Variants in SLC44A1 observed in about 807,000 individuals in gnomAD.
The protein encoded by SLC44A1 is choline transporter-like protein 1.
Under a neutral mutation model 79.3 loss-of-function variants are expected in SLC44A1, and 26 were observed. The ratio of observed to expected loss-of-function variants is 0.33; its 90% CI spans 0.24 to 0.46. SLC44A1 has a LOEUF of 0.46. Among genes scored for constraint, SLC44A1 ranks in the 20% least tolerant of loss-of-function variants. The pLI is 1.00. For missense variants in SLC44A1, 688 were observed against 798.1 expected, an observed-to-expected ratio of 0.86 and a Z score of 1.66; for synonymous variants, 263 against 286.2, an observed-to-expected ratio of 0.92 and a Z score of 0.82.
chr9:105,311,080 G>T (rs972767340), intron 3 of SLC44A1, among the ~76,000 whole-genome samples: 1 of 152,100 alleles, frequency 6.6e-6, no homozygotes. Context: ...GTGAAAGTTG[G>T]ACTCTTAGCA....
At chr9:105,339,540 T>A (rs575035812) in intron 4 of SLC44A1, among the ~76,000 whole-genome samples, 1 of 152,144 alleles carries the variant, frequency 6.6e-6, no homozygotes, top group East Asian at 1.9e-4. Flanking sequence ...AAAGAAAATA[T>A]GGTGAACTGC....
chr9:105,327,258 T>C (rs1001100596), intron 3 of SLC44A1, among the ~76,000 whole-genome samples: 22 of 152,152 alleles, frequency 1.4e-4, no homozygotes, highest in African/African-American at 5.3e-4. Flanking sequence ...GGCTTCCCAG[T>C]GTCTTTAAGA....
intron 7 of SLC44A1, 21 bp from the exon 8 acceptor site, chr9:105,361,170 A>T (rs779947595): frequency 6.2e-7 from 1 of 1,611,842 alleles, no homozygotes; most frequent in Non-Finnish European, 8.5e-7. Context: ...TTGCATTAAC[A>T]GTTGGGTCTT....
intron 1 of SLC44A1, among the ~76,000 whole-genome samples, chr9:105,251,189 A>C (rs1453715262): frequency 1.3e-5 from 2 of 152,176 alleles, no homozygotes; most frequent in East Asian, 3.8e-4. Context: ...ATCTGTCCTC[A>C]AAATCGTACC....
At position 105,389,739 on chromosome 9, in the gene SLC44A1, A is replaced by G. The variant is rs1481892683; in HGVS notation, c.*683A>G. The G allele has an allele frequency of 1.5e-5, 19 of 1,282,850 alleles. No individual in the cohort carries two copies. Among genetic ancestry groups the G allele is most frequent in the Non-Finnish European group, 1.8e-5 (18 of 1,010,238 alleles). The allele number at this position is 1,282,850 out of a possible 1,614,324, so 79.5% of individuals were successfully genotyped here. A position where few individuals can be genotyped will look rare whatever the true frequency, so the allele number is the denominator to read the frequency against. On this transcript the variant is annotated 3_prime_UTR_variant, in exon 16 of 16. Coordinates refer to ENST00000374720, the MANE Select transcript of SLC44A1 (RefSeq NM_080546.5). The stretch of plus-strand genomic sequence containing the variant: ...TCTTTAAAAGAAAGTAGGTAAAAAA[A>G]GAAAAGGGTAGATAATCTTTCGTAT...
At chr9:105,279,045 C>T (rs1790968255) in intron 1 of SLC44A1, among the ~76,000 whole-genome samples, 1 of 151,830 alleles carries the variant, frequency 6.6e-6, no homozygotes, top group Non-Finnish European at 1.5e-5. Flanking sequence ...TTAGATTTGC[C>T]CTTCAACCCG....
chr9:105,363,260 T>A (rs1440723870), intron 9 of SLC44A1, among the ~76,000 whole-genome samples: 1 of 152,112 alleles, frequency 6.6e-6, no homozygotes, highest in African/African-American at 2.4e-5. Context: ...CCTCCCGGGT[T>A]CAAGTGATTC....
chr9:105,349,478 G>A (rs1313023477), intron 5 of SLC44A1, among the ~76,000 whole-genome samples: 2 of 152,140 alleles, frequency 1.3e-5, no homozygotes, highest in Non-Finnish European at 2.9e-5. Flanking sequence ...CATTAATCTT[G>A]TCAAGTTGCT....
intron 12 of SLC44A1, 136 bp from the exon 13 acceptor site, chr9:105,374,462 G>C: frequency 1.4e-6 from 1 of 699,332 alleles, no homozygotes; most frequent in Non-Finnish European, 2.4e-6. Flanking sequence ...ACTCAGTCTC[G>C]ATCTGTACCT....
At chr9:105,382,998 T>G (rs1828517441) in intron 13 of SLC44A1, 125 bp from the exon 14 acceptor site, 2 of 660,496 alleles carry the variant, frequency 3.0e-6, no homozygotes, top group South Asian at 3.7e-5. Flanking sequence ...TTTCCTCATT[T>G]GAGATGGAAT....
In SLC44A1 at chr9:105,396,480, T is replaced by G. The variant is rs564266063; in HGVS notation, c.*7424T>G. The G allele has an allele frequency of 1.0e-6, 1 of 985,286 alleles. No individual in the cohort carries two copies. Among genetic ancestry groups the G allele is most frequent in the Admixed American group, 6.1e-5 (1 of 16,268 alleles). 61.0% of individuals were successfully genotyped at this position (985,286 alleles called of 1,614,324 possible). ...GCACAGCCTTTCTGAACTCCTTGAGTTTAGAATAGAGCTCCTAGAATAATA... is the reference window on the plus strand; with the variant it reads ...GCACAGCCTTTCTGAACTCCTTGAGGTTAGAATAGAGCTCCTAGAATAATA... On this transcript the variant is annotated 3_prime_UTR_variant, in exon 16 of 16. Transcript: ENST00000374720.
At chr9:105,416,677 T>G (rs1374473460) in intron 15 of SLC44A1, among the ~76,000 whole-genome samples, 2 of 152,196 alleles carry the variant, frequency 1.3e-5, no homozygotes, top group Non-Finnish European at 2.9e-5. Context: ...TATGTTCTTA[T>G]AAAGTGTGAG....
chr9:105,406,121 T>G (rs539171931), intron 15 of SLC44A1, among the ~76,000 whole-genome samples: 1 of 152,206 alleles, frequency 6.6e-6, no homozygotes, highest in East Asian at 1.9e-4. Context: ...GACTGGAAGG[T>G]GATCTCTTTT....
chr9:105,295,640 G>A (rs186064434), intron 1 of SLC44A1, among the ~76,000 whole-genome samples: 1 of 152,186 alleles, frequency 6.6e-6, no homozygotes, highest in East Asian at 1.9e-4. Context: ...TTATTGAGTT[G>A]GCTCCCAAAT....
chr9:105,261,029 A>G (rs1007193668), intron 1 of SLC44A1, among the ~76,000 whole-genome samples: 3 of 152,356 alleles, frequency 2.0e-5, no homozygotes, highest in African/African-American at 7.2e-5. Flanking sequence ...TATGGTTAAA[A>G]CAAATACAAC....
At chr9:105,368,824 G>A (rs754290770) in intron 12 of SLC44A1, among the ~76,000 whole-genome samples, 1 of 152,070 alleles carries the variant, frequency 6.6e-6, no homozygotes, top group Non-Finnish European at 1.5e-5. Context: ...GATCATTTGA[G>A]GTCAGGAGTT....
chr9:105,274,116 G>A (rs921443696), intron 1 of SLC44A1, among the ~76,000 whole-genome samples: 2 of 152,148 alleles, frequency 1.3e-5, no homozygotes, highest in Non-Finnish European at 2.9e-5. Flanking sequence ...ATATCCATCT[G>A]TGAGGTTTTG....
At chr9:105,340,050 A>G (rs995321529) in intron 4 of SLC44A1, among the ~76,000 whole-genome samples, 2 of 152,210 alleles carry the variant, frequency 1.3e-5, no homozygotes, top group African/African-American at 4.8e-5. Flanking sequence ...AGAGGGAAAA[A>G]GGGAGTTGTG....
intron 1 of SLC44A1, among the ~76,000 whole-genome samples, chr9:105,297,248 G>A (rs925043806): frequency 3.3e-5 from 5 of 152,176 alleles, no homozygotes; most frequent in Non-Finnish European, 7.3e-5. Context: ...CACTTTAGGG[G>A]TTAGGAAGAA....
Sources: allele counts gnomAD v4.1 joint callset (sites outside exome capture counted in the v4.1 genomes callset), GRCh38; gene constraint gnomAD v4.1.1; transcripts MANE v1.5; gene names NCBI Gene and HGNC (gene_info 2026-07-23, HGNC 2026-07-21).